ZNF568: variants seen among roughly 807,000 people sequenced by gnomAD.
ZNF568 encodes the protein p53 inhibitor of SCO2 activation.
In ZNF568, 11 loss-of-function variants were observed where a neutral mutation model predicts 18.1. The ratio of observed to expected loss-of-function variants is 0.61; its 90% CI spans 0.38 to 1.00. ZNF568 has a LOEUF of 1.00. Among genes scored for constraint, ZNF568 ranks in the 50% least tolerant of loss-of-function variants. The pLI is 0.01. For synonymous variants in ZNF568, 213 were observed against 246.6 expected, an observed-to-expected ratio of 0.86 and a Z score of 1.28; for missense variants, 639 against 768.2, an observed-to-expected ratio of 0.83 and a Z score of 1.99.
intron 4 of ZNF568, among the ~76,000 whole-genome samples, chr19:36,929,684 C>CAAA (rs35496094): frequency 8.7e-6 from 1 of 114,588 alleles, no homozygotes; most frequent in African/African-American, 3.2e-5. Context: ...GACTCCGTCT[C>CAAA]AAAAAAAAAA....
chr19:36,949,726 ACTTAG>A lies in ZNF568; in HGVS notation c.574_578del (p.Leu192IlefsTer2). 1 of 1,613,960 alleles carries A rather than the reference ACTTAG, an allele frequency of 6.2e-7. No homozygotes were observed. The highest frequency in any genetic ancestry group is 1.1e-5 in the South Asian group (1 of 91,062). On this transcript the variant is annotated frameshift_variant, in exon 7 of 7. Coordinates refer to ENST00000333987, the MANE Select transcript of ZNF568 (RefSeq NM_198539.4). LOFTEE classifies it low-confidence loss of function (END_TRUNC). Reference sequence around the variant, plus strand: ...AGGGTTTGGAACATAATTTAGACTTACTTAGATATGAGAAAGGCTGTGTAAGAGAG... The same window carrying A: ...AGGGTTTGGAACATAATTTAGACTTAATATGAGAAAGGCTGTGTAAGAGAG...
chr19:36,944,983 A>AT (rs1291516754), intron 6 of ZNF568, among the ~76,000 whole-genome samples: 1 of 151,016 alleles, frequency 6.6e-6, no homozygotes, highest in Admixed American at 6.6e-5. Context: ...CTTGTTTCCA[A>AT]TTTTTTTCTA....
chr19:36,960,543 G>T (rs1431676890), intron 6 of ZNF568, among the ~76,000 whole-genome samples: 2 of 151,642 alleles, frequency 1.3e-5, no homozygotes, highest in Non-Finnish European at 2.9e-5. Context: ...CTTTCCTTTG[G>T]CCTGGCATGG....
intron 6 of ZNF568, among the ~76,000 whole-genome samples, chr19:36,972,364 C>G (rs1310593679): frequency 2.6e-5 from 4 of 152,126 alleles, no homozygotes; most frequent in African/African-American, 9.7e-5. Context: ...TTGCAGCCCA[C>G]TATATTGGTT....
chr19:36,981,172 C>T (rs1443511284), downstream of ZNF568, among the ~76,000 whole-genome samples: 1 of 152,196 alleles, frequency 6.6e-6, no homozygotes, highest in African/African-American at 2.4e-5. Flanking sequence ...TCTGGGCTCT[C>T]CTTTCTAATC....
At chr19:36,938,959 T>C (rs964643758) in intron 6 of ZNF568, among the ~76,000 whole-genome samples, 13 of 152,210 alleles carry the variant, frequency 8.5e-5, no homozygotes, top group Non-Finnish European at 1.6e-4. Context: ...TTTGTGGTTA[T>C]CATTGTCATC....
chr19:36,996,982 G>A, exon 5 of ZNF568: 5 of 1,544,244 alleles, frequency 3.2e-6, no homozygotes, highest in Non-Finnish European at 4.3e-6. Flanking sequence ...GTGTGGGAAG[G>A]CCTTTACCCG....
rs779545584 is a variant in ZNF568, at chr19:36,925,184, A to G, written c.77-16A>G. ...TGAAACTTTGAAGCAAATCTGTTTC[A>G]TTTCTCTTCCCTCAGCTTGGTGTTC... On this transcript the variant is annotated splice_polypyrimidine_tract_variant and intron_variant, in intron 3 of 6. Transcript: ENST00000333987. 1 of 1,613,526 alleles carries G rather than the reference A, an allele frequency of 6.2e-7. No individual in the cohort carries two copies. Among genetic ancestry groups the G allele is most frequent in the Non-Finnish European group, 8.5e-7 (1 of 1,179,706 alleles).
intron 2 of ZNF568, among the ~76,000 whole-genome samples, chr19:36,989,394 G>T (rs2074404438): frequency 6.6e-6 from 1 of 152,070 alleles, no homozygotes; most frequent in Non-Finnish European, 1.5e-5. Flanking sequence ...TCTTGACCAG[G>T]CTGGTCTCAA....
chr19:36,953,261 CTGTAATT>C (rs2074082181), downstream of ZNF568, among the ~76,000 whole-genome samples: 1 of 152,030 alleles, frequency 6.6e-6, no homozygotes, highest in Admixed American at 6.6e-5. Context: ...TTTTCTTGCC[CTGTAATT>C]TTCCATACAA....
At position 36,922,691 on chromosome 19, in the gene ZNF568, T is replaced by C; in HGVS notation, c.-80T>C. ...CTGACCTGAGACCTGCCTTAGAGGCTGGAGAGTCCTGAAAGAGAGTGGACC... is the reference window on the plus strand; with the variant it reads ...CTGACCTGAGACCTGCCTTAGAGGCCGGAGAGTCCTGAAAGAGAGTGGACC... On this transcript the variant is annotated 5_prime_UTR_variant, in exon 3 of 7. Coordinates refer to ENST00000333987, the MANE Select transcript of ZNF568 (RefSeq NM_198539.4). The C allele has an allele frequency of 8.0e-7, 1 of 1,255,664 alleles. No homozygotes were observed. The highest frequency in any genetic ancestry group is 1.2e-6 in the Non-Finnish European group (1 of 865,830). The allele number at this position is 1,255,664 out of a possible 1,614,324, so 77.8% of individuals were successfully genotyped here.
intron 6 of ZNF568, among the ~76,000 whole-genome samples, chr19:36,940,417 C>T (rs7248414): frequency 1.3e-5 from 2 of 152,196 alleles, no homozygotes; most frequent in Non-Finnish European, 2.9e-5. Context: ...AATCTGAAAA[C>T]ATATACTATC....
chr19:36,986,392 C>G (rs1159647183), intron 2 of ZNF568, among the ~76,000 whole-genome samples: 1 of 152,184 alleles, frequency 6.6e-6, no homozygotes, highest in Non-Finnish European at 1.5e-5. Context: ...AGCTTATGGT[C>G]TTCTGGGCTC....
chr19:36,932,757 T>C (rs770419675), intron 4 of ZNF568, among the ~76,000 whole-genome samples: 1 of 152,230 alleles, frequency 6.6e-6, no homozygotes, highest in Non-Finnish European at 1.5e-5. Flanking sequence ...TCATGAGATT[T>C]TGATTTACAC....
intron 6 of ZNF568, among the ~76,000 whole-genome samples, chr19:36,958,616 C>CTTTTTTTTTTTTTTTTTTTTTTTTCT (rs35494587): frequency 1.0e-5 from 1 of 99,130 alleles, no homozygotes; most frequent in African/African-American, 4.5e-5. Flanking sequence ...CTTTTTCTTT[C>CTTTTTTTTTTTTTTTTTTTTTTTTCT]TTTTTTTTTT....
At chr19:36,921,334 G>A (rs562203548) in intron 2 of ZNF568, among the ~76,000 whole-genome samples, 1 of 152,186 alleles carries the variant, frequency 6.6e-6, no homozygotes, top group East Asian at 1.9e-4. Flanking sequence ...GGTGGCGCAT[G>A]CCTGTAATCC....
intron 4 of ZNF568, among the ~76,000 whole-genome samples, chr19:36,927,835 T>A (rs868792700): frequency 8.7e-6 from 1 of 115,244 alleles, no homozygotes; most frequent in Non-Finnish European, 1.7e-5. Context: ...TATATATATA[T>A]AAAGATATAT....
chr19:36,948,302 T>C (rs1010011484), intron 6 of ZNF568, among the ~76,000 whole-genome samples: 1 of 152,228 alleles, frequency 6.6e-6, no homozygotes, highest in African/African-American at 2.4e-5. Flanking sequence ...CATAACTTGA[T>C]AGCACATCTG....
chr19:36,929,123 GAA>G (rs35777999), intron 4 of ZNF568, among the ~76,000 whole-genome samples: 1 of 151,576 alleles, frequency 6.6e-6, no homozygotes, highest in African/African-American at 2.4e-5. Flanking sequence ...TAACTTTAGG[GAA>G]AAAAAAATTT....
Sources: allele counts gnomAD v4.1 joint callset (sites outside exome capture counted in the v4.1 genomes callset), GRCh38; gene constraint gnomAD v4.1.1; transcripts MANE v1.5; gene names NCBI Gene and HGNC (gene_info 2026-07-23, HGNC 2026-07-21).